The following SLC5A3 variants were observed in gnomAD, a reference collection of about 807,000 sequenced individuals.
SLC5A3 encodes solute carrier family 5 member 3, also known as sodium/myo-inositol cotransporter.
Under a neutral mutation model 43.2 loss-of-function variants are expected in SLC5A3, and 10 were observed. The ratio of observed to expected loss-of-function variants is 0.23; its 90% confidence interval spans 0.14 to 0.39. The LOEUF is 0.39. Among genes scored for constraint, SLC5A3 ranks in the 10% least tolerant of loss-of-function variants. SLC5A3 has a pLI of 1.00. For missense variants in SLC5A3, 608 were observed against 893.4 expected (o/e 0.68, Z 4.07); for synonymous variants, 349 against 322.0 (o/e 1.08, Z -0.90).
At chr21:34,081,955 C>G (rs753938351) in intron 1 of SLC5A3, among the ~76,000 whole-genome samples, 1 of 151,858 alleles carries the variant, frequency 6.6e-6, no homozygotes, top group East Asian at 1.9e-4. Flanking sequence ...TACTCTGCTC[C>G]CATCTATTAT....
chr21:34,097,109 T>C lies in SLC5A3; in HGVS notation c.1911T>C (p.Ala637=), dbSNP rs779221931. ...PVDAYSNGQA[A]LMGEKERKKE... ...ACGCTTACTCCAATGGGCAAGCAGC[T>C]CTCATGGGTGAGAAAGAGAGAAAGA... The change falls in exon 2 of 2, where the codon GCT becomes GCC. Residue 637 remains alanine (A), a synonymous_variant. Transcript: ENST00000381151. 14 of 1,613,866 alleles carry C rather than the reference T, an allele frequency of 8.7e-6. No homozygotes were observed. The highest frequency in any genetic ancestry group is 1.7e-5 in the Admixed American group (1 of 59,982).
chr21:34,102,405 TAAA>T lies in SLC5A3; in HGVS notation c.*5053_*5055del. The T allele has an allele frequency of 1.0e-6, 1 of 1,000,060 alleles. No individual in the cohort carries two copies. Among genetic ancestry groups the T allele is most frequent in the Non-Finnish European group, 1.2e-6 (1 of 829,756 alleles). 61.9% of individuals were successfully genotyped at this position (1,000,060 alleles called of 1,614,324 possible). A position where few individuals can be genotyped will look rare whatever the true frequency, so the allele number is the denominator to read the frequency against. ...TTCTGTTTCCATCTAAACTTCTTTA[TAAA>T]AAGAGGGATTAGTTTTTTTGTTTTG... On this transcript the variant is annotated 3_prime_UTR_variant, in exon 2 of 2. Coordinates refer to ENST00000381151, the MANE Select transcript of SLC5A3 (RefSeq NM_006933.7).
At position 34,079,602 on chromosome 21, in the gene SLC5A3, A is replaced by ATTTTTTTTT. The variant is rs398036389; in HGVS notation, c.-337+5880_-337+5888dup. Among the ~76,000 whole-genome samples, 12 of 43,680 alleles carry ATTTTTTTTT rather than the reference A, an allele frequency of 2.7e-4. 2 individuals are homozygous for ATTTTTTTTT. The highest frequency in any genetic ancestry group is 1.0e-3 in the South Asian group (1 of 970). 28.7% of individuals were successfully genotyped at this position (43,680 alleles called of 152,430 possible). A position where few individuals can be genotyped will look rare whatever the true frequency, so the allele number is the denominator to read the frequency against. ...AGGCATGCGCCACCAGACCCAGCTAATTTTTTTTTTTTTTTTTTTTTTTTT... is the reference window on the plus strand; with the variant it reads ...AGGCATGCGCCACCAGACCCAGCTAATTTTTTTTTTTTTTTTTTTTTTTTTTTTTTTTTT... On this transcript the variant is annotated intron_variant, in intron 1 of 1. Transcript: ENST00000381151.
Position 34,073,607 on chromosome 21 carries a change from A to C in SLC5A3, c.-475A>C, listed in dbSNP as rs1016927600. ...TCGCCGCCTGGGAGCCGTCCGGCGC[A>C]GCAGTTTCTAGGTCCCCACTGTCCC... On this transcript the variant is annotated 5_prime_UTR_variant, in exon 1 of 2. Transcript: ENST00000381151. The C allele has an allele frequency of 4.5e-6, 5 of 1,110,908 alleles. No individual in the cohort carries two copies. Among genetic ancestry groups the C allele is most frequent in the African/African-American group, 3.3e-5 (2 of 60,158 alleles). 68.8% of individuals were successfully genotyped at this position (1,110,908 alleles called of 1,614,324 possible). A position where few individuals can be genotyped will look rare whatever the true frequency, so the allele number is the denominator to read the frequency against.
intron 1 of SLC5A3, among the ~76,000 whole-genome samples, chr21:34,074,270 C>T (rs983398709): frequency 3.3e-5 from 5 of 152,150 alleles, no homozygotes; most frequent in Non-Finnish European, 5.9e-5. Flanking sequence ...ATAAAGCGTT[C>T]CTCCAAAGCT....
At chr21:34,077,824 A>G (rs1214054306) in intron 1 of SLC5A3, among the ~76,000 whole-genome samples, 1 of 152,190 alleles carries the variant, frequency 6.6e-6, no homozygotes, top group African/African-American at 2.4e-5. Context: ...TGTAGAAAAC[A>G]GTTGGTTTTC....
chr21:34,099,699 T>C lies in SLC5A3; in HGVS notation c.*2344T>C, dbSNP rs1979146930. 3.0e-6 allele frequency: 3 copies of C among 998,004 alleles called. No homozygotes were observed. Among genetic ancestry groups the C allele is most frequent in the Non-Finnish European group, 3.6e-6 (3 of 829,328 alleles). The allele number at this position is 998,004 out of a possible 1,614,324, so 61.8% of individuals were successfully genotyped here. A position where few individuals can be genotyped will look rare whatever the true frequency, so the allele number is the denominator to read the frequency against. The stretch of plus-strand genomic sequence containing the variant: ...TCTGCTCTTGTCTTAGTAAGATACA[T>C]AAGGTACATCATCTTGTGTCTGTGT... On this transcript the variant is annotated 3_prime_UTR_variant, in exon 2 of 2. Transcript: ENST00000381151.
chr21:34,096,398 G>A lies in SLC5A3; in HGVS notation c.1200G>A (p.Lys400=), dbSNP rs1978966905. ...TCGATGTGTACAAACTTATCCGCAA[G>A]AGCGCAAGCTCCCGGGAGTTAATGA... ...FTLDVYKLIR[K]SASSRELMIV... The change falls in exon 2 of 2, where the codon AAG becomes AAA. Residue 400 remains lysine (K), a synonymous_variant. Coordinates refer to ENST00000381151, the MANE Select transcript of SLC5A3 (RefSeq NM_006933.7). This position sits in a 1 kb window ranked among gnomAD's most constrained non-coding sequence, Gnocchi z 5.9. 1 of 1,614,206 alleles carries A rather than the reference G, an allele frequency of 6.2e-7. No homozygotes were observed. The highest frequency in any genetic ancestry group is 8.5e-7 in the Non-Finnish European group (1 of 1,180,030).
chr21:34,086,945 C>G (rs1448477571), intron 1 of SLC5A3, among the ~76,000 whole-genome samples: 2 of 152,116 alleles, frequency 1.3e-5, no homozygotes, highest in Non-Finnish European at 2.9e-5. Flanking sequence ...GGAACAGTTG[C>G]CAGACAGACA....
At chr21:34,083,013 A>G (rs1414981940) in intron 1 of SLC5A3, among the ~76,000 whole-genome samples, 1 of 152,206 alleles carries the variant, frequency 6.6e-6, no homozygotes, top group Admixed American at 6.5e-5. Flanking sequence ...GGAGCCCTCA[A>G]TCCTCATAAA....
Position 34,073,591 on chromosome 21 carries a change from G to C in SLC5A3, c.-491G>C. ...CTCTCGGACCGTGCTTTCGCCGCCT[G>C]GGAGCCGTCCGGCGCAGCAGTTTCT... On this transcript the variant is annotated 5_prime_UTR_variant, in exon 1 of 2. Transcript: ENST00000381151. 3.1e-6 allele frequency: 3 copies of C among 963,926 alleles called. No individual in the cohort carries two copies. The highest frequency in any genetic ancestry group is 3.0e-6 in the Non-Finnish European group (2 of 664,034). The allele number at this position is 963,926 out of a possible 1,614,324, so 59.7% of individuals were successfully genotyped here. A position where few individuals can be genotyped will look rare whatever the true frequency, so the allele number is the denominator to read the frequency against.
rs1445046896 is a variant in SLC5A3, at chr21:34,095,568, G to T, written c.370G>T (p.Val124Phe). 3 of 1,613,714 alleles carry T rather than the reference G, an allele frequency of 1.9e-6. No homozygotes were observed. The highest frequency in any genetic ancestry group is 1.3e-5 in the African/African-American group (1 of 74,890). The change falls in exon 2 of 2, where the codon GTC (valine) becomes TTC (phenylalanine). Residue 124 changes from valine (V) to phenylalanine (F), a missense_variant. Val to Phe is a conservative substitution (Grantham distance 50, BLOSUM62 -1). This residue lies in a region of SLC5A3 where 398 missense variants were observed against 668.6 expected (regional missense o/e 0.60). Coordinates refer to ENST00000381151, the MANE Select transcript of SLC5A3 (RefSeq NM_006933.7). ...GCGATTTGGTGGCCATAGGATTCAGGTCTATTTTGCAGCCTTGTCTCTGAT... is the reference window on the plus strand; with the variant it reads ...GCGATTTGGTGGCCATAGGATTCAGTTCTATTTTGCAGCCTTGTCTCTGAT... ...SKRFGGHRIQ[V>F]YFAALSLILY...
Position 34,102,220 on chromosome 21 carries a change from A to G in SLC5A3, c.*4865A>G. 1.0e-6 allele frequency: 1 copy of G among 999,904 alleles called. No individual in the cohort carries two copies. Among genetic ancestry groups the G allele is most frequent in the Middle Eastern group, 5.2e-4 (1 of 1,916 alleles). The allele number at this position is 999,904 out of a possible 1,614,324, so 61.9% of individuals were successfully genotyped here. On this transcript the variant is annotated 3_prime_UTR_variant, in exon 2 of 2. Transcript: ENST00000381151. Reference sequence around the variant, plus strand: ...AGAGAATTTAGTTAAGGTTCAAAGTAATTAACTGGCTTTGCCAGTGGTGAG... The same window carrying G: ...AGAGAATTTAGTTAAGGTTCAAAGTGATTAACTGGCTTTGCCAGTGGTGAG...
chr21:34,094,544 C>T (rs2105485), intron 1 of SLC5A3, among the ~76,000 whole-genome samples: 152,288 of 152,288 alleles, frequency 1, 76,144 homozygotes, highest in Non-Finnish European at 1. Flanking sequence ...TAGTGCCTGT[C>T]CTAATCTGAG....
chr21:34,077,593 G>A (rs1007587482), intron 1 of SLC5A3, among the ~76,000 whole-genome samples: 1 of 152,004 alleles, frequency 6.6e-6, no homozygotes, highest in African/African-American at 2.4e-5. Context: ...ATCTTCATAT[G>A]TTTTTCTAAT....
In SLC5A3 at chr21:34,098,480, A is replaced by G. The variant is rs1979075390; in HGVS notation, c.*1125A>G. ...TTTCCCTGATTTTTTTTTTCCTCAA[A>G]AGACTTTCCATCTGTACACAGCCTC... On this transcript the variant is annotated 3_prime_UTR_variant, in exon 2 of 2. Coordinates refer to ENST00000381151, the MANE Select transcript of SLC5A3 (RefSeq NM_006933.7). 1 of 1,000,104 alleles carries G rather than the reference A, an allele frequency of 1.0e-6. No individual in the cohort carries two copies. 62.0% of individuals were successfully genotyped at this position (1,000,104 alleles called of 1,614,324 possible).
At chr21:34,094,442 T>C (rs1011900832) in intron 1 of SLC5A3, among the ~76,000 whole-genome samples, 10 of 152,166 alleles carry the variant, frequency 6.6e-5, no homozygotes, top group Non-Finnish European at 1.5e-4. Flanking sequence ...CCCCAAACTC[T>C]CTTAGGATTC....
chr21:34,075,539 G>A (rs1050024584), intron 1 of SLC5A3, among the ~76,000 whole-genome samples: 2 of 151,830 alleles, frequency 1.3e-5, no homozygotes, highest in African/African-American at 4.8e-5. Flanking sequence ...ATGAGGGAAG[G>A]GGGGCAAAAA....
intron 1 of SLC5A3, among the ~76,000 whole-genome samples, chr21:34,082,995 T>A (rs1382160548): frequency 1.3e-5 from 2 of 152,202 alleles, no homozygotes; most frequent in Non-Finnish European, 2.9e-5. Context: ...AGCAAAACTT[T>A]CTTTATTGGA....
Sources: allele counts gnomAD v4.1 joint callset (sites outside exome capture counted in the v4.1 genomes callset), GRCh38; gene constraint gnomAD v4.1.1; regional missense constraint gnomAD v4.1.1; non-coding constraint Gnocchi (gnomAD v3.1); transcripts MANE v1.5; gene names NCBI Gene and HGNC (gene_info 2026-07-23, HGNC 2026-07-21).